Variants in DRC11 observed in about 807,000 individuals in gnomAD.
DRC11 encodes dynein regulatory complex subunit 11.
At chr2:236,355,110 G>A in the DRC11 span, among the ~76,000 whole-genome samples, 7 of 152,198 alleles carry the variant, frequency 4.6e-5, no homozygotes, top group Admixed American at 1.3e-4. Flanking sequence ...CTGGTTTGAC[G>A]TGGCCTCCCA....
At chr2:236,446,957 G>A in the DRC11 span, among the ~76,000 whole-genome samples, 8 of 148,120 alleles carry the variant, frequency 5.4e-5, no homozygotes, top group South Asian at 1.7e-3. The surrounding 1 kb of genome is among the most constrained non-coding windows in gnomAD (Gnocchi z 6.2). Flanking sequence ...TCATGCTCCT[G>A]GGGACCCTCT....
chr2:236,498,626 C>G, the DRC11 span, among the ~76,000 whole-genome samples: 1 of 152,128 alleles, frequency 6.6e-6, no homozygotes. Flanking sequence ...CTTGTCCACA[C>G]CCTGGCGAGG....
chr2:236,506,916 G>C, the DRC11 span, among the ~76,000 whole-genome samples: 1 of 152,164 alleles, frequency 6.6e-6, no homozygotes, highest in East Asian at 1.9e-4. This position sits in a 1 kb window ranked among gnomAD's most constrained non-coding sequence, Gnocchi z 4.9. Flanking sequence ...TACCGTGAAA[G>C]ATTAACAAAA....
At chr2:236,495,469 C>T in the DRC11 span, among the ~76,000 whole-genome samples, 4 of 152,188 alleles carry the variant, frequency 2.6e-5, no homozygotes, top group Non-Finnish European at 4.4e-5. This position sits in a 1 kb window ranked among gnomAD's most constrained non-coding sequence, Gnocchi z 5.6. Flanking sequence ...TCCCTGAAAC[C>T]TTGAGGTTTC....
chr2:236,368,033 G>C, the DRC11 span: 4 of 660,590 alleles, frequency 6.1e-6, no homozygotes, highest in South Asian at 1.7e-5. Flanking sequence ...TTGTGTGCTG[G>C]TGGGTGCACT....
chr2:236,429,727 C>T, the DRC11 span, among the ~76,000 whole-genome samples: 333 of 152,032 alleles, frequency 2.2e-3, 1 homozygote, highest in African/African-American at 7.5e-3. The surrounding 1 kb of genome is among the most constrained non-coding windows in gnomAD (Gnocchi z 5.9). Context: ...TTGGGTGGGT[C>T]GGTGGGCTGT....
At chr2:236,491,211 T>TATATATATATATAC in the DRC11 span, among the ~76,000 whole-genome samples, 4 of 38,762 alleles carry the variant, frequency 1.0e-4, no homozygotes, top group Non-Finnish European at 1.9e-4. Context: ...TATATATATA[T>TATATATATATATAC]ACACACAGTA....
the DRC11 span, among the ~76,000 whole-genome samples, chr2:236,477,491 G>A: frequency 6.6e-6 from 1 of 152,140 alleles, no homozygotes; most frequent in Non-Finnish European, 1.5e-5. Flanking sequence ...CTGTCTTAAG[G>A]GTGGCAGAGG....
At chr2:236,311,226 T>C in the DRC11 span, among the ~76,000 whole-genome samples, 3 of 152,144 alleles carry the variant, frequency 2.0e-5, no homozygotes, top group South Asian at 6.2e-4. The surrounding 1 kb of genome is among the most constrained non-coding windows in gnomAD (Gnocchi z 6.9). Flanking sequence ...CTGAGCCCCA[T>C]ATACACTCGA....
At chr2:236,394,566 G>C in the DRC11 span, among the ~76,000 whole-genome samples, 1 of 152,046 alleles carries the variant, frequency 6.6e-6, no homozygotes, top group Non-Finnish European at 1.5e-5. The surrounding 1 kb of genome is among the most constrained non-coding windows in gnomAD (Gnocchi z 7.0). Flanking sequence ...AGGAGGTGGA[G>C]GTTGCAGTGA....
chr2:236,427,161 G>A, the DRC11 span, among the ~76,000 whole-genome samples: 1 of 152,242 alleles, frequency 6.6e-6, no homozygotes, highest in East Asian at 1.9e-4. The surrounding 1 kb of genome is among the most constrained non-coding windows in gnomAD (Gnocchi z 5.9). Context: ...CTTTTAATGT[G>A]CTCTTGAATT....
At chr2:236,333,858 G>A in the DRC11 span, among the ~76,000 whole-genome samples, 3 of 152,118 alleles carry the variant, frequency 2.0e-5, no homozygotes, top group African/African-American at 4.8e-5. The surrounding 1 kb of genome is among the most constrained non-coding windows in gnomAD (Gnocchi z 6.0). Flanking sequence ...GAACTGTACC[G>A]TGGGGCCTGC....
chr2:236,441,030 A>C, the DRC11 span: 1 of 1,455,792 alleles, frequency 6.9e-7, no homozygotes, highest in Non-Finnish European at 9.4e-7. Context: ...TTTCTCAAGC[A>C]TATTTGTACC....
chr2:236,457,132 G>A, the DRC11 span, among the ~76,000 whole-genome samples: 1 of 152,216 alleles, frequency 6.6e-6, no homozygotes, highest in African/African-American at 2.4e-5. This position sits in a 1 kb window ranked among gnomAD's most constrained non-coding sequence, Gnocchi z 4.7. Context: ...GGCAGTTCAA[G>A]CCATGAGAAA....
At chr2:236,402,613 G>A in the DRC11 span, among the ~76,000 whole-genome samples, 2 of 152,192 alleles carry the variant, frequency 1.3e-5, no homozygotes, top group Non-Finnish European at 2.9e-5. This position sits in a 1 kb window ranked among gnomAD's most constrained non-coding sequence, Gnocchi z 6.0. Context: ...TGCAGCCAGC[G>A]GGGAACCAGG....
the DRC11 span, among the ~76,000 whole-genome samples, chr2:236,494,319 T>C: frequency 2.0e-5 from 3 of 152,220 alleles, no homozygotes; most frequent in African/African-American, 7.2e-5. The surrounding 1 kb of genome is among the most constrained non-coding windows in gnomAD (Gnocchi z 4.2). Context: ...TAGTCACATT[T>C]TTTTCTAGTA....
the DRC11 span, among the ~76,000 whole-genome samples, chr2:236,439,056 C>T: frequency 1.3e-4 from 20 of 149,738 alleles, no homozygotes; most frequent in Non-Finnish European, 1.2e-4. Flanking sequence ...ATCTCTGGGA[C>T]GCATTCAAAG....
At chr2:236,343,325 G>A in the DRC11 span, among the ~76,000 whole-genome samples, 2 of 152,206 alleles carry the variant, frequency 1.3e-5, no homozygotes, top group African/African-American at 4.8e-5. The surrounding 1 kb of genome is among the most constrained non-coding windows in gnomAD (Gnocchi z 6.6). Flanking sequence ...CAGTGAGCAG[G>A]CAGCCGCAAG....
the DRC11 span, among the ~76,000 whole-genome samples, chr2:236,388,518 C>A: frequency 6.6e-6 from 1 of 151,916 alleles, no homozygotes; most frequent in African/African-American, 2.4e-5. Context: ...TCCATCAGCT[C>A]CTTTAAGCAC....
Sources: gnomAD v4.1 joint callset for allele counts (sites outside exome capture counted in the v4.1 genomes callset) on GRCh38, gnomAD v4.1.1 for gene constraint, Gnocchi (gnomAD v3.1) non-coding constraint, MANE v1.5 for transcripts, NCBI Gene and HGNC (gene_info 2026-07-23, HGNC 2026-07-21) for gene names.